IL1RAPL2: variants seen among roughly 807,000 people sequenced by gnomAD.
IL1RAPL2 encodes the protein interleukin 1 receptor accessory protein like 2.
In IL1RAPL2, 3 loss-of-function variants were observed where a neutral mutation model predicts 44.1. The ratio of observed to expected loss-of-function variants is 0.07; its 90% confidence interval spans 0.03 to 0.18. The LOEUF (loss-of-function observed/expected upper bound fraction) is 0.18, where lower values mean the gene tolerates loss of function less well. Among genes scored for constraint, IL1RAPL2 ranks in the 10% least tolerant of loss-of-function variants. The probability of loss-of-function intolerance (pLI) is 1.00; values close to 1 mark genes in which losing one functional copy is unlikely to be tolerated. For missense variants in IL1RAPL2, 391 were observed against 496.4 expected (o/e 0.79, Z 2.02); for synonymous variants, 181 against 178.8 (o/e 1.01, Z -0.10).
intron 6 of IL1RAPL2, among the ~76,000 whole-genome samples, chrX:105,485,957 C>A (rs1406171406): frequency 8.9e-6 from 1 of 111,839 alleles, no homozygotes; most frequent in African/African-American, 3.3e-5. Context: ...GATTTCCTTT[C>A]TTTTGGGTAT....
intron 2 of IL1RAPL2, among the ~76,000 whole-genome samples, chrX:105,126,813 C>A (rs920182299): frequency 1.8e-5 from 2 of 110,412 alleles, no homozygotes; most frequent in African/African-American, 6.5e-5. Flanking sequence ...CTGTGAATAC[C>A]GACAAAACAT....
At chrX:105,534,895 A>G (rs2036666638) in intron 6 of IL1RAPL2, among the ~76,000 whole-genome samples, 1 of 112,157 alleles carries the variant, frequency 8.9e-6, no homozygotes, top group Non-Finnish European at 1.9e-5. Context: ...AAATATAAAA[A>G]CAAAAACATA....
At chrX:105,377,248 A>C (rs535695000) in intron 5 of IL1RAPL2, among the ~76,000 whole-genome samples, 2 of 111,405 alleles carry the variant, frequency 1.8e-5, no homozygotes, top group Admixed American at 9.6e-5. Flanking sequence ...GCATAGATTG[A>C]TCTAATCATT....
intron 4 of IL1RAPL2, among the ~76,000 whole-genome samples, chrX:105,248,793 A>T (rs1013568033): frequency 8.9e-6 from 1 of 111,734 alleles, no homozygotes; most frequent in Non-Finnish European, 1.9e-5. Context: ...CTACAATGAG[A>T]TATCATTTCA....
At chrX:104,718,322 T>C (rs1034862824) in intron 2 of IL1RAPL2, among the ~76,000 whole-genome samples, 6 of 111,479 alleles carry the variant, frequency 5.4e-5, no homozygotes, top group African/African-American at 1.6e-4. Context: ...TAGTATCTCA[T>C]TGTGGTTTTG....
intron 1 of IL1RAPL2, among the ~76,000 whole-genome samples, chrX:104,636,184 G>A (rs1252241806): frequency 8.9e-6 from 1 of 111,900 alleles, no homozygotes; most frequent in African/African-American, 3.3e-5. Flanking sequence ...AAATGTTGCT[G>A]CCTGGTCGTT....
At chrX:104,709,191 G>T (rs1462996972) in intron 2 of IL1RAPL2, among the ~76,000 whole-genome samples, 7 of 103,633 alleles carry the variant, frequency 6.8e-5, no homozygotes, top group East Asian at 3.0e-4. Context: ...TCAGACAGTG[G>T]TTTTTTTTTT....
intron 5 of IL1RAPL2, among the ~76,000 whole-genome samples, chrX:105,434,456 T>C (rs1468930105): frequency 8.9e-6 from 1 of 112,411 alleles, no homozygotes; most frequent in Non-Finnish European, 1.9e-5. Flanking sequence ...ACAGACTAAA[T>C]GCTGTTCAAC....
chrX:105,599,245 C>T (rs1434760681), intron 6 of IL1RAPL2, among the ~76,000 whole-genome samples: 7 of 111,813 alleles, frequency 6.3e-5, no homozygotes, highest in Non-Finnish European at 1.3e-4. Context: ...GACTGAATTG[C>T]CTAATAGGGT....
At chrX:104,912,500 C>A (rs990288860) in intron 2 of IL1RAPL2, among the ~76,000 whole-genome samples, 1 of 111,603 alleles carries the variant, frequency 9.0e-6, no homozygotes, top group South Asian at 3.8e-4. Context: ...ATGAAGCATA[C>A]TGCAGGCAAA....
At position 105,364,850 on chromosome X, in the gene IL1RAPL2, A is replaced by C. The variant is rs752305855; in HGVS notation, c.697+97309A>C. ...ATAACATCATGTCATCAGCAAACAG[A>C]GACAGTTTCACTTTTTCCTTACCTA... On this transcript the variant is annotated intron_variant, in intron 5 of 10. Coordinates refer to ENST00000372582, the MANE Select transcript of IL1RAPL2 (RefSeq NM_017416.2). Among the ~76,000 whole-genome samples the C allele has an allele frequency of 6.1e-4, 68 of 111,853 alleles. 1 individual carries two copies. The highest frequency in any genetic ancestry group is 9.8e-4 in the Non-Finnish European group (52 of 53,057).
chrX:104,928,963 A>G (rs1483428458), intron 2 of IL1RAPL2, among the ~76,000 whole-genome samples: 1 of 111,806 alleles, frequency 8.9e-6, no homozygotes, highest in East Asian at 2.8e-4. Flanking sequence ...ATTCACTCCT[A>G]CTTTATTTTC....
intron 5 of IL1RAPL2, among the ~76,000 whole-genome samples, chrX:105,483,625 C>G (rs776601595): frequency 2.7e-5 from 3 of 111,464 alleles, no homozygotes; most frequent in Non-Finnish European, 3.8e-5. Flanking sequence ...TCTCCTTTCT[C>G]CATTTCTTTA....
At chrX:104,822,966 C>A (rs1921346177) in intron 2 of IL1RAPL2, among the ~76,000 whole-genome samples, 1 of 111,327 alleles carries the variant, frequency 9.0e-6, no homozygotes, top group African/African-American at 3.3e-5. Context: ...TTGAAGAGTT[C>A]CATCACATTC....
intron 5 of IL1RAPL2, among the ~76,000 whole-genome samples, chrX:105,317,986 T>C (rs757866519): frequency 1.4e-4 from 15 of 108,615 alleles, no homozygotes; most frequent in African/African-American, 5.0e-4. Context: ...TTTTTTTTTT[T>C]TTTAAAGACG....
intron 5 of IL1RAPL2, among the ~76,000 whole-genome samples, chrX:105,457,634 ATATG>A (rs2036065775): frequency 9.2e-6 from 1 of 108,765 alleles, no homozygotes; most frequent in Non-Finnish European, 1.9e-5. Context: ...GCATGTATAT[ATATG>A]TATGTTTTAT....
At chrX:105,521,500 T>C (rs773041135) in intron 6 of IL1RAPL2, among the ~76,000 whole-genome samples, 1 of 112,027 alleles carries the variant, frequency 8.9e-6, no homozygotes, top group Non-Finnish European at 1.9e-5. Context: ...ATATATGTGA[T>C]AAAGCTACAC....
At chrX:105,018,400 C>T (rs2031224222) in intron 2 of IL1RAPL2, among the ~76,000 whole-genome samples, 1 of 111,498 alleles carries the variant, frequency 9.0e-6, no homozygotes, top group Admixed American at 9.6e-5. Flanking sequence ...AAAAGCATCT[C>T]CTCTGTGAAG....
intron 1 of IL1RAPL2, among the ~76,000 whole-genome samples, chrX:104,631,005 C>G (rs1198869722): frequency 5.4e-5 from 6 of 110,439 alleles, no homozygotes; most frequent in African/African-American, 2.0e-4. Flanking sequence ...CACCCCACAA[C>G]AGGCCCCAGT....
Sources: allele counts gnomAD v4.1 joint callset (sites outside exome capture counted in the v4.1 genomes callset), GRCh38; gene constraint gnomAD v4.1.1; transcripts MANE v1.5; gene names NCBI Gene and HGNC (gene_info 2026-07-23, HGNC 2026-07-21).